The following MEIOC variants were observed in gnomAD, a reference collection of about 807,000 sequenced individuals.
MEIOC encodes the protein meiosis specific with coiled-coil domain.
A neutral mutation model predicts 85.3 loss-of-function variants in MEIOC; 9 were observed. That is an observed-to-expected ratio of 0.11 (90% CI 0.06 to 0.18). The LOEUF (loss-of-function observed/expected upper bound fraction) is 0.18, where lower values mean the gene tolerates loss of function less well. Ranked by LOEUF, MEIOC falls within the 10% of genes least tolerant of loss-of-function variation. The pLI, the probability that MEIOC is intolerant of heterozygous loss-of-function variation, is 1.00. For missense variants in MEIOC, 898 were observed against 1,129.4 expected (o/e 0.80, Z 2.94); for synonymous variants, 365 against 393.7 (o/e 0.93, Z 0.86).
Position 44,675,288 on chromosome 17 carries a change from A to T in MEIOC, c.*1092A>T, listed in dbSNP as rs1021150051. Reference sequence around the variant, plus strand: ...ATTTTTTTAAAACTATTGAAAGCTTAACTTTTTCTGTTTCTCATCACTTAG... The same window carrying T: ...ATTTTTTTAAAACTATTGAAAGCTTTACTTTTTCTGTTTCTCATCACTTAG... On this transcript the variant is annotated 3_prime_UTR_variant, in exon 8 of 8. Coordinates refer to ENST00000409122, the MANE Select transcript of MEIOC (RefSeq NM_001145080.3). 6 of 980,860 alleles carry T rather than the reference A, an allele frequency of 6.1e-6. No homozygotes were observed. The highest frequency in any genetic ancestry group is 7.3e-6 in the Non-Finnish European group (6 of 825,800). 60.8% of individuals were successfully genotyped at this position (980,860 alleles called of 1,614,324 possible). A position where few individuals can be genotyped will look rare whatever the true frequency, so the allele number is the denominator to read the frequency against.
intron 2 of MEIOC, among the ~76,000 whole-genome samples, chr17:44,658,624 A>C (rs953215601): frequency 2.6e-5 from 4 of 151,434 alleles, no homozygotes; most frequent in Non-Finnish European, 5.9e-5. Flanking sequence ...GCGAAACCCC[A>C]TCTCTACTAA....
rs1355537357 is a variant in MEIOC, at chr17:44,667,440, G to A, written c.1529G>A (p.Gly510Asp). The change falls in exon 5 of 8, where the codon GGT becomes GAT. Residue 510 changes from glycine (G) to aspartate (D), a missense_variant. Coordinates refer to ENST00000409122, the MANE Select transcript of MEIOC (RefSeq NM_001145080.3). Reference protein sequence around the residue: ...LNSHLSAASKGSNHSSDFPQL... With the variant: ...LNSHLSAASKDSNHSSDFPQL... ...AGTCATTTAAGTGCAGCTTCAAAAG[G>A]TTCTAACCATTCTTCAGATTTCCCC... 1 of 1,613,606 alleles carries A rather than the reference G, an allele frequency of 6.2e-7. No homozygotes were observed.
In MEIOC at chr17:44,674,876, A is replaced by G; in HGVS notation, c.*680A>G. 1.0e-6 allele frequency: 1 copy of G among 971,616 alleles called. No homozygotes were observed. The allele number at this position is 971,616 out of a possible 1,614,324, so 60.2% of individuals were successfully genotyped here. The stretch of plus-strand genomic sequence containing the variant: ...ACTGAATATAAAACCTATTCAGATC[A>G]TTTGTGTATATTCTTTAAATTTTAA... On this transcript the variant is annotated 3_prime_UTR_variant, in exon 8 of 8. Transcript: ENST00000409122.
rs774182304 is a variant in MEIOC, at chr17:44,666,583, T to C, written c.672T>C (p.His224=). 6.2e-7 allele frequency: 1 copy of C among 1,610,692 alleles called. No homozygotes were observed. Among genetic ancestry groups the C allele is most frequent in the Non-Finnish European group, 8.5e-7 (1 of 1,178,216 alleles). ...LTPQQKIDEL[H]HGFTGLDLEE... ...CACAACAAAAAATAGATGAACTTCA[T>C]CATGGATTTACTGGTTTAGATCTTG... is the stretch of plus-strand genomic sequence containing the variant. Residue 224 remains histidine (H), a synonymous_variant, in exon 5 of 8, where the codon CAT becomes CAC. Coordinates refer to ENST00000409122, the MANE Select transcript of MEIOC (RefSeq NM_001145080.3).
chr17:44,670,028 T>G (rs1157628687), intron 6 of MEIOC: 1 of 152,606 alleles, frequency 6.6e-6, no homozygotes, highest in Admixed American at 6.5e-5. Flanking sequence ...ACCAGCACTT[T>G]GGGAAGTGGA....
At chr17:44,670,262 C>CAAAAAAAAAAAAAAAAAA (rs372859968) in intron 6 of MEIOC, 5 of 106,484 alleles carry the variant, frequency 4.7e-5, no homozygotes, top group South Asian at 3.4e-4. Context: ...GATCTTGTCT[C>CAAAAAAAAAAAAAAAAAA]AAAAAAAAAA....
chr17:44,659,947 T>C (rs148362606), intron 2 of MEIOC, among the ~76,000 whole-genome samples: 1 of 152,322 alleles, frequency 6.6e-6, no homozygotes, highest in African/African-American at 2.4e-5. Context: ...AGAATAGTCA[T>C]AATATAAACT....
In MEIOC at chr17:44,666,972, C is replaced by T. The variant is rs766281064; in HGVS notation, c.1061C>T (p.Ala354Val). 2.5e-6 allele frequency: 4 copies of T among 1,612,820 alleles called. No homozygotes were observed. The highest frequency in any genetic ancestry group is 2.5e-6 in the Non-Finnish European group (3 of 1,179,348). Residue 354 changes from alanine (A) to valine (V), a missense_variant, in exon 5 of 8, where the codon GCC (alanine) becomes GTC (valine). Transcript: ENST00000409122. Reference sequence around the variant, plus strand: ...AGTGTCCAAGATAGCAAAAAATTAGCCAATGGCACACCTGAAACACCAACT... The same window carrying T: ...AGTGTCCAAGATAGCAAAAAATTAGTCAATGGCACACCTGAAACACCAACT... ...NFSVQDSKKL[A>V]NGTPETPTVE...
At chr17:44,665,668 C>T (rs1971893563) in intron 4 of MEIOC, among the ~76,000 whole-genome samples, 180 bp downstream of exon 4, 1 of 152,064 alleles carries the variant, frequency 6.6e-6, no homozygotes, top group African/African-American at 2.4e-5. Flanking sequence ...ATTGGAAGTT[C>T]AGTCTAAGGT....
intron 2 of MEIOC, among the ~76,000 whole-genome samples, chr17:44,658,205 A>G (rs1971792166): frequency 7.1e-6 from 1 of 140,984 alleles, no homozygotes; most frequent in Non-Finnish European, 1.5e-5. Context: ...CCCAGGCTGG[A>G]GTGCAGTGAC....
chr17:44,672,308 T>C (rs1181175985), intron 6 of MEIOC, among the ~76,000 whole-genome samples: 2 of 152,222 alleles, frequency 1.3e-5, no homozygotes, highest in African/African-American at 4.8e-5. Flanking sequence ...CTTTACTCTT[T>C]ATCATTTGCT....
At chr17:44,671,236 A>C (rs187005760) in intron 6 of MEIOC, 111 of 152,180 alleles carry the variant, frequency 7.3e-4, no homozygotes, top group Middle Eastern at 3.4e-3. Context: ...AAAAAAAAAA[A>C]AACTTCCAAA....
Position 44,656,539 on chromosome 17 carries a change from G to A in MEIOC, c.-75G>A, listed in dbSNP as rs901760617. The stretch of plus-strand genomic sequence containing the variant: ...CGGCGGGGTGCGGGCTGAGGGAGCC[G>A]GGCCTGGACGCCCCCCCCATCACCC... On this transcript the variant is annotated 5_prime_UTR_variant, in exon 1 of 8. Transcript: ENST00000409122. 2.9e-5 allele frequency: 35 copies of A among 1,203,534 alleles called. No individual in the cohort carries two copies. The highest frequency in any genetic ancestry group is 6.1e-4 in the Middle Eastern group (2 of 3,304). 74.6% of individuals were successfully genotyped at this position (1,203,534 alleles called of 1,614,324 possible).
chr17:44,673,866 TACAAAAATAA>T, intron 7 of MEIOC, 100 bp from the exon 8 acceptor site: 1 of 1,307,432 alleles, frequency 7.6e-7, no homozygotes, highest in Non-Finnish European at 1.0e-6. Context: ...ATCCTTTTTT[TACAAAAATAA>T]CATTTGATCA....
intron 4 of MEIOC, 103 bp from the exon 5 acceptor site, chr17:44,666,273 A>C (rs1046061942): frequency 2.1e-6 from 2 of 939,586 alleles, no homozygotes; most frequent in Admixed American, 2.9e-5. Context: ...GAATGGTGAC[A>C]TGGGGCAAGA....
At chr17:44,658,803 A>AAAAG (rs1228984945) in intron 2 of MEIOC, among the ~76,000 whole-genome samples, 83 of 151,824 alleles carry the variant, frequency 5.5e-4, no homozygotes, top group African/African-American at 1.8e-3. Flanking sequence ...AAAAAAAAAA[A>AAAAG]AAAAAGAAAA....
chr17:44,662,318 G>C lies in MEIOC; in HGVS notation c.206G>C (p.Ser69Thr). 1 of 1,537,874 alleles carries C rather than the reference G, an allele frequency of 6.5e-7. No homozygotes were observed. The stretch of plus-strand genomic sequence containing the variant: ...ATAAACATTTCTTAAAACTTTCAGA[G>C]TGAAGACAATGTAGACCTAAGGCAG... ...ASFYDCYTSQ[S>T]EDNVDLRQTY... The change falls in exon 3 of 8, where the codon AGT becomes ACT. Residue 69 changes from serine (S) to threonine (T), a missense_variant and splice_region_variant. Around this residue, in one of 2 missense-constraint regions of MEIOC, gnomAD observed 734 missense variants for 860.1 expected, o/e 0.85. Transcript: ENST00000409122.
chr17:44,665,792 C>T lies in MEIOC; in HGVS notation c.464+304C>T, dbSNP rs186493779. Among the ~76,000 whole-genome samples the T allele has an allele frequency of 2.0e-4, 31 of 152,134 alleles. 1 individual carries two copies. In the East Asian group the frequency reaches 5.8e-3, roughly 28 times the overall value. ...ATATAAATTCAAAGGAACTTTTATA[C>T]ATAGATCCCAAAGAATAAAACTCAT... On this transcript the variant is annotated intron_variant, in intron 4 of 7. Transcript: ENST00000409122.
Position 44,662,328 on chromosome 17 carries a change from T to G in MEIOC, c.216T>G (p.Asn72Lys). 3 of 1,544,246 alleles carry G rather than the reference T, an allele frequency of 1.9e-6. No homozygotes were observed. Among genetic ancestry groups the G allele is most frequent in the Non-Finnish European group, 2.6e-6 (3 of 1,144,986 alleles). The change falls in exon 3 of 8, where the codon AAT becomes AAG. Residue 72 changes from asparagine (N) to lysine (K), a missense_variant. By Grantham distance (94) the Asn-to-Lys change is moderately conservative. Transcript: ENST00000409122. ...CTTAAAACTTTCAGAGTGAAGACAA[T>G]GTAGACCTAAGGCAGACCTATACTC... Reference protein sequence around the residue: ...YDCYTSQSEDNVDLRQTYTPF... With the variant: ...YDCYTSQSEDKVDLRQTYTPF...
Sources: allele counts gnomAD v4.1 joint callset (sites outside exome capture counted in the v4.1 genomes callset), GRCh38; gene constraint gnomAD v4.1.1; regional missense constraint gnomAD v4.1.1; transcripts MANE v1.5; gene names NCBI Gene and HGNC (gene_info 2026-07-23, HGNC 2026-07-21).